COL26A1: variants seen among roughly 807,000 people sequenced by gnomAD.
The protein encoded by COL26A1 is collagen type XXVI alpha 1 chain, also known as collagen alpha-1(XXVI) chain.
In COL26A1, 41 loss-of-function variants were observed where a neutral mutation model predicts 59.3. That is an observed-to-expected ratio of 0.69 (90% confidence interval 0.54 to 0.90). The LOEUF is 0.90. COL26A1 is among the 40% of genes least tolerant of loss of function. The pLI, the probability that COL26A1 is intolerant of heterozygous loss-of-function variation, is 0.00. For missense variants in COL26A1, 612 were observed against 602.3 expected, an observed-to-expected ratio of 1.02 and a Z score of -0.17; for synonymous variants, 266 against 256.0, an observed-to-expected ratio of 1.04 and a Z score of -0.37.
intron 2 of COL26A1, among the ~76,000 whole-genome samples, chr7:101,422,443 T>TC (rs1236702958): frequency 6.8e-6 from 1 of 147,282 alleles, no homozygotes; most frequent in Non-Finnish European, 1.5e-5. Flanking sequence ...TCCCCTGCCT[T>TC]CCCCACTTCC....
chr7:101,444,304 G>A (rs1249259835), intron 2 of COL26A1, among the ~76,000 whole-genome samples: 5 of 151,944 alleles, frequency 3.3e-5, no homozygotes, highest in Admixed American at 2.6e-4. Flanking sequence ...TTTATTGTTG[G>A]TGAATCAACC....
intron 3 of COL26A1, among the ~76,000 whole-genome samples, chr7:101,523,331 A>C (rs759879746): frequency 3.3e-5 from 5 of 152,148 alleles, no homozygotes; most frequent in Admixed American, 6.5e-5. Context: ...AGCCTCCCAA[A>C]GTGCTGGAAT....
intron 3 of COL26A1, among the ~76,000 whole-genome samples, chr7:101,495,400 C>T (rs1794562801): frequency 6.7e-6 from 1 of 149,276 alleles, no homozygotes; most frequent in Admixed American, 6.6e-5. Context: ...TACGTATGGG[C>T]AGCCTGGGGA....
At chr7:101,450,271 G>C (rs1320920465) in intron 3 of COL26A1, among the ~76,000 whole-genome samples, 1 of 152,112 alleles carries the variant, frequency 6.6e-6, no homozygotes, top group African/African-American at 2.4e-5. Context: ...GCAATGACAT[G>C]TGTCAGTATA....
At position 101,512,464 on chromosome 7, in the gene COL26A1, T is replaced by A. The variant is rs199905385; in HGVS notation, c.386-20618T>A. On this transcript the variant is annotated intron_variant, in intron 3 of 12. Coordinates refer to ENST00000313669, the MANE Select transcript of COL26A1 (RefSeq NM_001278563.3). ...TGAGAGCCCTGTCTCTACAAAAAAA[T>A]AAAAAATTAGCCAGTGTGCGGCATG... is the stretch of plus-strand genomic sequence containing the variant. 7.2e-3 allele frequency among the ~76,000 whole-genome samples: 1,062 copies of A among 147,968 alleles called. 17 individuals carry two copies. Among genetic ancestry groups the A allele is most frequent in the South Asian group, 0.038 (177 of 4,616 alleles).
intron 3 of COL26A1, among the ~76,000 whole-genome samples, chr7:101,520,376 T>C (rs984672655): frequency 6.6e-6 from 1 of 152,092 alleles, no homozygotes; most frequent in Non-Finnish European, 1.5e-5. Flanking sequence ...AGCCAAATCA[T>C]TTTGGAGAGA....
chr7:101,451,888 G>A (rs1359866902), intron 3 of COL26A1, among the ~76,000 whole-genome samples: 3 of 151,948 alleles, frequency 2.0e-5, no homozygotes, highest in African/African-American at 7.2e-5. Flanking sequence ...TGTATTTTTA[G>A]TAGAGATGGG....
At chr7:101,442,419 C>T (rs1200593213) in intron 2 of COL26A1, among the ~76,000 whole-genome samples, 4 of 151,710 alleles carry the variant, frequency 2.6e-5, no homozygotes, top group Non-Finnish European at 4.4e-5. Context: ...CTCCGCCTCC[C>T]GGGTTCAAGG....
At chr7:101,496,354 A>C (rs1181481359) in intron 3 of COL26A1, among the ~76,000 whole-genome samples, 1 of 152,226 alleles carries the variant, frequency 6.6e-6, no homozygotes, top group Non-Finnish European at 1.5e-5. Context: ...TGCAGCAGAG[A>C]AAAAGGTTTA....
intron 3 of COL26A1, among the ~76,000 whole-genome samples, chr7:101,489,786 CTTT>C (rs1563007906): frequency 0.025 from 56 of 2,236 alleles, 9 homozygotes; most frequent in Non-Finnish European, 0.046. Flanking sequence ...TTCTTTCTTT[CTTT>C]CTTTCTTTCT....
chr7:101,555,527 G>A (rs771985614), intron 11 of COL26A1, among the ~76,000 whole-genome samples: 5 of 151,680 alleles, frequency 3.3e-5, no homozygotes, highest in African/African-American at 9.7e-5. Context: ...TGGATCGGCC[G>A]CTTTGCCAGG....
intron 1 of COL26A1, among the ~76,000 whole-genome samples, chr7:101,377,214 T>C (rs943809503): frequency 3.3e-5 from 5 of 151,964 alleles, no homozygotes; most frequent in Non-Finnish European, 2.9e-5. Flanking sequence ...CACTATGTTG[T>C]CCAGGTCAGT....
chr7:101,363,213 G>A (rs1790943335), intron 1 of COL26A1, 23 bp downstream of exon 1: 3 of 1,113,768 alleles, frequency 2.7e-6, no homozygotes, highest in African/African-American at 3.7e-5. Flanking sequence ...GGGCCGAGGG[G>A]CCGGGGGGTG....
At chr7:101,516,136 C>G (rs778728643) in intron 3 of COL26A1, among the ~76,000 whole-genome samples, 7 of 152,146 alleles carry the variant, frequency 4.6e-5, no homozygotes, top group Non-Finnish European at 8.8e-5. Flanking sequence ...TGATTGTGGC[C>G]GTGAGCCACT....
chr7:101,453,092 AC>A (rs747948533), intron 3 of COL26A1, among the ~76,000 whole-genome samples: 3 of 152,114 alleles, frequency 2.0e-5, no homozygotes, highest in Non-Finnish European at 4.4e-5. Flanking sequence ...GGGGGAGCAG[AC>A]GTGGTGGCTC....
chr7:101,425,230 CA>C (rs1355071440), intron 2 of COL26A1, among the ~76,000 whole-genome samples: 1 of 151,942 alleles, frequency 6.6e-6, no homozygotes, highest in Non-Finnish European at 1.5e-5. Context: ...ACTAAAAATA[CA>C]AAAATTAGCC....
At chr7:101,504,482 G>T (rs996876270) in intron 3 of COL26A1, among the ~76,000 whole-genome samples, 1 of 152,128 alleles carries the variant, frequency 6.6e-6, no homozygotes, top group African/African-American at 2.4e-5. Flanking sequence ...CCCTGTCTAT[G>T]CTCGCCTGAT....
intron 1 of COL26A1, among the ~76,000 whole-genome samples, chr7:101,371,499 A>AT (rs768968472): frequency 0.014 from 2,098 of 150,408 alleles, 56 homozygotes; most frequent in African/African-American, 0.047. Flanking sequence ...AAAAAAAAAA[A>AT]TTAAAAAATT....
chr7:101,551,238 T>TTGGGGGGGGGGGGA, intron 10 of COL26A1, 95 bp downstream of exon 10: 1 of 491,354 alleles, frequency 2.0e-6, no homozygotes, highest in Middle Eastern at 6.4e-4. Flanking sequence ...GGTGGGGGGG[T>TTGGGGGGGGGGGGA]TCAGCCCTGG....
Sources: allele counts gnomAD v4.1 joint callset (sites outside exome capture counted in the v4.1 genomes callset), GRCh38; gene constraint gnomAD v4.1.1; transcripts MANE v1.5; gene names NCBI Gene and HGNC (gene_info 2026-07-23, HGNC 2026-07-21).